C7orf33: variants seen among roughly 807,000 people sequenced by gnomAD.
C7orf33 encodes the protein chromosome 7 open reading frame 33, also known as uncharacterized protein C7orf33.
A neutral mutation model predicts 13.4 loss-of-function variants in C7orf33; 15 were observed. The observed-to-expected ratio is 1.12, with a 90% confidence interval of 0.75 to 1.72. The LOEUF is 1.72. Among genes scored for constraint, C7orf33 ranks in the 40% most tolerant of loss-of-function variants. C7orf33 has a pLI of 0.00. For missense variants in C7orf33, 187 were observed against 220.3 expected, an observed-to-expected ratio of 0.85 and a Z score of 0.96; for synonymous variants, 73 against 83.2, an observed-to-expected ratio of 0.88 and a Z score of 0.67.
intron 1 of C7orf33, among the ~76,000 whole-genome samples, chr7:148,595,554 C>T (rs13236225): frequency 1.1e-3 from 130 of 122,304 alleles, no homozygotes; most frequent in African/African-American, 4.6e-3. Context: ...TTATATATAA[C>T]ATATAGCTAT....
intron 1 of C7orf33, among the ~76,000 whole-genome samples, chr7:148,598,745 TATATATATATATATATATAGAGAG>T (rs1362649071): frequency 2.3e-4 from 16 of 71,090 alleles, no homozygotes; most frequent in African/African-American, 7.3e-4. Flanking sequence ...TATATATATA[TATATATATATATATATATAGAGAG>T]AGAGAGAGAG....
chr7:148,613,679 C>G (rs12704041), intron 1 of C7orf33, among the ~76,000 whole-genome samples: 56,053 of 151,968 alleles, frequency 0.37, 12,440 homozygotes, highest in East Asian at 0.53. Context: ...GGGGAGTGAC[C>G]GCTAATGGGT....
intron 1 of C7orf33, among the ~76,000 whole-genome samples, chr7:148,595,266 G>A (rs1351801502): frequency 2.1e-5 from 3 of 140,444 alleles, no homozygotes; most frequent in African/African-American, 7.9e-5. Flanking sequence ...GTATAATATA[G>A]AGATATCTAT....
chr7:148,598,142 A>G (rs1478380822), intron 1 of C7orf33, among the ~76,000 whole-genome samples: 1 of 152,178 alleles, frequency 6.6e-6, no homozygotes, highest in African/African-American at 2.4e-5. Flanking sequence ...TATCAGTGGT[A>G]TTATACACTG....
intron 1 of C7orf33, among the ~76,000 whole-genome samples, chr7:148,604,456 C>G (rs1796451220): frequency 6.6e-6 from 1 of 152,254 alleles, no homozygotes; most frequent in African/African-American, 2.4e-5. Context: ...TGAAGTAACT[C>G]AGGAACGGAA....
rs938106035 is a variant in C7orf33 at position 148,590,771 on chromosome 7, T to C, written c.-155T>C. On this transcript the variant is annotated 5_prime_UTR_variant, in exon 1 of 3. An upstream start codon of the reference 5' UTR is lost. Transcript: ENST00000307003. ...TTCTACTCAGCTGTGACCTTACTTA[T>C]GGTGATGCCAATCCAGTGGTCAGGA... The C allele has an allele frequency of 1.3e-5, 9 of 714,802 alleles. No individual in the cohort carries two copies. The African/African-American group carries it at 1.4e-4, about 11-fold the overall frequency. The allele number at this position is 714,802 out of a possible 1,614,324, so 44.3% of individuals were successfully genotyped here. A position where few individuals can be genotyped will look rare whatever the true frequency, so the allele number is the denominator to read the frequency against.
Position 148,590,968 on chromosome 7 carries a change from T to G in C7orf33, c.43T>G (p.Trp15Gly). The part of the protein sequence containing the change: ...VQSLSLEECP[W>G]RLPGPQCECE... ...AAGCCTCAGCCTTGAAGAGTGTCCC[T>G]GGAGACTTCCAGGCCCCCAATGTGA... Residue 15 changes from tryptophan to glycine, a missense_variant, in exon 1 of 3, where the codon TGG becomes GGG. Coordinates refer to ENST00000307003, the MANE Select transcript of C7orf33 (RefSeq NM_145304.4). 1.2e-6 allele frequency: 2 copies of G among 1,614,194 alleles called. No homozygotes were observed. The highest frequency in any genetic ancestry group is 1.7e-6 in the Non-Finnish European group (2 of 1,180,032).
intron 1 of C7orf33, among the ~76,000 whole-genome samples, chr7:148,600,999 T>C (rs1796407450): frequency 6.6e-6 from 1 of 152,088 alleles, no homozygotes; most frequent in South Asian, 2.1e-4. Context: ...AGATGGGGTT[T>C]CACCATGTTA....
In C7orf33 at chr7:148,590,848, G is replaced by A. The variant is rs1006120042; in HGVS notation, c.-78G>A. 5 of 1,347,690 alleles carry A rather than the reference G, an allele frequency of 3.7e-6. No individual in the cohort carries two copies. The highest frequency in any genetic ancestry group is 4.3e-4 in the Middle Eastern group (2 of 4,648). The allele number at this position is 1,347,690 out of a possible 1,614,324, so 83.5% of individuals were successfully genotyped here. ...CCTCCTACTGACCCTGGGGATCCGT[G>A]CGACTTGATCTTAGATATTGGTGGT... On this transcript the variant is annotated 5_prime_UTR_variant, in exon 1 of 3. Transcript: ENST00000307003.
intron 1 of C7orf33, among the ~76,000 whole-genome samples, chr7:148,599,987 C>T (rs1170046534): frequency 6.6e-6 from 1 of 152,172 alleles, no homozygotes; most frequent in Non-Finnish European, 1.5e-5. Context: ...GGAGGACAGG[C>T]TGCGTGTAGG....
rs74454997 is a variant in C7orf33 at position 148,615,746 on chromosome 7, C to T, written c.*345C>T. On this transcript the variant is annotated 3_prime_UTR_variant, in exon 3 of 3. Transcript: ENST00000307003. ...CTGACCATTGTCTGCTGTGTGCTCC[C>T]GATGATGAGACTCTAGAGTTTACAA... 5,678 of 217,712 alleles carry T rather than the reference C, an allele frequency of 0.026. 192 individuals carry two copies. The highest frequency in any genetic ancestry group is 0.091 in the Admixed American group (1,788 of 19,680). 13.5% of individuals were successfully genotyped at this position (217,712 alleles called of 1,614,324 possible).
intron 1 of C7orf33, among the ~76,000 whole-genome samples, chr7:148,597,730 A>ATTTGTTTTGTTTTGTTTTGT (rs60207753): frequency 8.1e-5 from 12 of 148,526 alleles, no homozygotes; most frequent in South Asian, 2.1e-4. Context: ...CTTCCTCTGC[A>ATTTGTTTTGTTTTGTTTTGT]TTTGTTTTGT....
chr7:148,604,982 A>T (rs1796457955), intron 1 of C7orf33, among the ~76,000 whole-genome samples: 2 of 152,232 alleles, frequency 1.3e-5, no homozygotes, highest in Non-Finnish European at 2.9e-5. Flanking sequence ...CTGTACTCTC[A>T]GCTCTTCGGG....
chr7:148,604,554 A>AG (rs1491443442), intron 1 of C7orf33, among the ~76,000 whole-genome samples: 1 of 152,152 alleles, frequency 6.6e-6, no homozygotes, highest in African/African-American at 2.4e-5. Context: ...TTGGGGACTC[A>AG]GGGGAAAGGG....
At position 148,614,224 on chromosome 7, in the gene C7orf33, G is replaced by C; in HGVS notation, c.387G>C (p.Leu129Phe). 6.2e-7 allele frequency: 1 copy of C among 1,614,180 alleles called. No homozygotes were observed. Among genetic ancestry groups the C allele is most frequent in the Non-Finnish European group, 8.5e-7 (1 of 1,180,036 alleles). ...CCTCAGATCCAGTTGTCGGCACCTT[G>C]TCTTCCAGTTACCTAGATCTGCTAA... ...GLSSDPVVGT[L>F]SSSYLDLLTL... The change falls in exon 2 of 3, where the codon TTG becomes TTC. Residue 129 changes from leucine to phenylalanine, a missense_variant. By Grantham distance (22) the Leu-to-Phe change is conservative. Coordinates refer to ENST00000307003, the MANE Select transcript of C7orf33 (RefSeq NM_145304.4).
At chr7:148,612,558 A>G (rs1359491395) in intron 1 of C7orf33, among the ~76,000 whole-genome samples, 4 of 152,038 alleles carry the variant, frequency 2.6e-5, no homozygotes, top group Admixed American at 6.6e-5. Context: ...AAATAACCCA[A>G]TGTTTTTAAT....
At position 148,590,896 on chromosome 7, in the gene C7orf33, C is replaced by T. The variant is rs2116884298; in HGVS notation, c.-30C>T. The T allele has an allele frequency of 1.3e-6, 2 of 1,589,644 alleles. No homozygotes were observed. The highest frequency in any genetic ancestry group is 1.7e-6 in the Non-Finnish European group (2 of 1,157,790). ...GGTGAAGCGCCGCTCTCCTTGACAG[C>T]ATCCAGGAAAGGTAATTACCTTTGC... On this transcript the variant is annotated 5_prime_UTR_variant, in exon 1 of 3. Transcript: ENST00000307003.
intron 1 of C7orf33, among the ~76,000 whole-genome samples, chr7:148,608,795 C>T (rs563095767): frequency 4.6e-5 from 7 of 152,150 alleles, no homozygotes; most frequent in African/African-American, 7.2e-5. Flanking sequence ...CCAGTCTGGG[C>T]GACAGAGCAA....
intron 1 of C7orf33, among the ~76,000 whole-genome samples, chr7:148,604,680 C>T (rs1195408783): frequency 6.6e-6 from 1 of 152,148 alleles, no homozygotes; most frequent in Non-Finnish European, 1.5e-5. Context: ...TGTAACCAAA[C>T]ACTGCCTGTT....
Sources: allele counts gnomAD v4.1 joint callset (sites outside exome capture counted in the v4.1 genomes callset), GRCh38; gene constraint gnomAD v4.1.1; transcripts MANE v1.5; gene names NCBI Gene and HGNC (gene_info 2026-07-23, HGNC 2026-07-21).